The following CPNE4 variants were observed in gnomAD, a reference collection of about 807,000 sequenced individuals.
The protein encoded by CPNE4 is copine 4.
Under a neutral mutation model 67.9 loss-of-function variants are expected in CPNE4, and 25 were observed. The ratio of observed to expected loss-of-function variants is 0.37; its 90% confidence interval spans 0.27 to 0.51. CPNE4 has a LOEUF of 0.51. CPNE4 is among the 20% of genes least tolerant of loss of function. The probability of loss-of-function intolerance (pLI) is 0.93; values close to 1 mark genes in which losing one functional copy is unlikely to be tolerated. For synonymous variants in CPNE4, 242 were observed against 244.9 expected (o/e 0.99, Z 0.11); for missense variants, 464 against 690.8 (o/e 0.67, Z 3.68).
chr3:131,785,873 T>C (rs2083549141), intron 2 of CPNE4, among the ~76,000 whole-genome samples: 1 of 152,140 alleles, frequency 6.6e-6, no homozygotes, highest in African/African-American at 2.4e-5. Context: ...ATACATGTTT[T>C]ATATATTGTT....
chr3:131,819,329 A>G (rs2107964347), intron 2 of CPNE4, among the ~76,000 whole-genome samples: 1 of 152,352 alleles, frequency 6.6e-6, no homozygotes, highest in Admixed American at 6.5e-5. Flanking sequence ...AGCCATTTGG[A>G]TGAATAAGAG....
chr3:131,779,084 C>T, intron 2 of CPNE4, among the ~76,000 whole-genome samples: 1 of 151,902 alleles, frequency 6.6e-6, no homozygotes, highest in East Asian at 1.9e-4. Context: ...ATCCCATTCA[C>T]AATAGCCACA....
chr3:131,620,441 TACTC>T, intron 7 of CPNE4: 1 of 985,210 alleles, frequency 1.0e-6, no homozygotes, highest in Non-Finnish European at 1.2e-6. Context: ...GGTCCTGAGT[TACTC>T]ACCATGTTCA....
upstream of CPNE4, among the ~76,000 whole-genome samples, chr3:132,038,399 C>T (rs1271376243): frequency 2.0e-5 from 3 of 152,006 alleles, no homozygotes; most frequent in Non-Finnish European, 2.9e-5. Flanking sequence ...ACAACCTGTG[C>T]TACGAAAGGG....
intron 2 of CPNE4, among the ~76,000 whole-genome samples, chr3:131,756,231 A>G (rs1217571047): frequency 6.6e-6 from 1 of 152,226 alleles, no homozygotes; most frequent in Admixed American, 6.5e-5. Context: ...CATAAAATTA[A>G]CAGCTAGATA....
chr3:131,819,371 G>C (rs1175239392), intron 2 of CPNE4, among the ~76,000 whole-genome samples: 1 of 152,118 alleles, frequency 6.6e-6, no homozygotes, highest in Non-Finnish European at 1.5e-5. Context: ...GCTAGACTTA[G>C]TAGGAGAAAA....
intron 1 of CPNE4, among the ~76,000 whole-genome samples, chr3:132,025,679 T>A (rs1374293914): frequency 6.6e-6 from 1 of 152,200 alleles, no homozygotes; most frequent in East Asian, 1.9e-4. Flanking sequence ...AGGTTGCAAT[T>A]TGAGTAATTT....
intron 2 of CPNE4, among the ~76,000 whole-genome samples, chr3:131,746,359 A>G (rs2082489621): frequency 6.6e-6 from 1 of 152,108 alleles, no homozygotes; most frequent in Non-Finnish European, 1.5e-5. Context: ...GTACAATAAA[A>G]CAGCAGAACT....
At chr3:131,999,439 G>A (rs1309106089) in intron 1 of CPNE4, among the ~76,000 whole-genome samples, 1 of 151,890 alleles carries the variant, frequency 6.6e-6, no homozygotes, top group African/African-American at 2.4e-5. Flanking sequence ...TAGTGAATGA[G>A]CCTTATGCAA....
At chr3:131,680,355 A>T (rs1264749227) in intron 6 of CPNE4, among the ~76,000 whole-genome samples, 3 of 151,670 alleles carry the variant, frequency 2.0e-5, no homozygotes, top group Non-Finnish European at 4.4e-5. Context: ...TCTTTTGAAG[A>T]CTACGTACCA....
chr3:131,792,095 G>A (rs2083740062), intron 2 of CPNE4, among the ~76,000 whole-genome samples: 1 of 152,072 alleles, frequency 6.6e-6, no homozygotes, highest in African/African-American at 2.4e-5. Context: ...GGCAGGAATG[G>A]TTGCAATGAT....
intron 7 of CPNE4, among the ~76,000 whole-genome samples, chr3:131,610,986 C>T (rs1939805186): frequency 6.6e-6 from 1 of 152,166 alleles, no homozygotes; most frequent in Non-Finnish European, 1.5e-5. Context: ...CTTAATTTTC[C>T]ATTTCAGCAA....
intron 2 of CPNE4, among the ~76,000 whole-genome samples, chr3:131,815,518 G>A (rs1423537127): frequency 6.6e-6 from 1 of 152,166 alleles, no homozygotes; most frequent in African/African-American, 2.4e-5. Context: ...AGTATGTCAT[G>A]GAGTACTTTA....
intron 7 of CPNE4, among the ~76,000 whole-genome samples, chr3:131,611,867 A>T (rs1369108608): frequency 6.6e-6 from 1 of 152,072 alleles, no homozygotes; most frequent in East Asian, 1.9e-4. Context: ...CACCATGAGC[A>T]AGGATAAGTG....
chr3:131,576,725 T>G (rs927894805), intron 9 of CPNE4, among the ~76,000 whole-genome samples: 7 of 151,056 alleles, frequency 4.6e-5, no homozygotes, highest in South Asian at 2.1e-4. Context: ...TTACTGTGTG[T>G]TTTTTTTTCA....
chr3:131,944,092 C>T (rs916547630), intron 1 of CPNE4, among the ~76,000 whole-genome samples: 1 of 152,104 alleles, frequency 6.6e-6, no homozygotes, highest in Non-Finnish European at 1.5e-5. Context: ...AAATCTCCAG[C>T]ACCTAGCCGT....
At chr3:132,033,653 G>A (rs904602075) in intron 1 of CPNE4, among the ~76,000 whole-genome samples, 3 of 152,222 alleles carry the variant, frequency 2.0e-5, no homozygotes, top group African/African-American at 4.8e-5. Flanking sequence ...AAGGCGCCCT[G>A]GGGCGCCGTC....
At chr3:131,931,344 G>T (rs945663089) in intron 1 of CPNE4, among the ~76,000 whole-genome samples, 1 of 152,114 alleles carries the variant, frequency 6.6e-6, no homozygotes, top group Non-Finnish European at 1.5e-5. Flanking sequence ...AACAGCTGAG[G>T]TCTTCTCAGG....
intron 2 of CPNE4, among the ~76,000 whole-genome samples, chr3:131,852,951 GA>G (rs908733295): frequency 6.6e-6 from 1 of 151,614 alleles, no homozygotes; most frequent in African/African-American, 2.4e-5. Flanking sequence ...ACTGTTAAGA[GA>G]AATTTTTTAA....
Sources: gnomAD v4.1 joint callset for allele counts (sites outside exome capture counted in the v4.1 genomes callset) on GRCh38, gnomAD v4.1.1 for gene constraint, MANE v1.5 for transcripts, NCBI Gene and HGNC (gene_info 2026-07-23, HGNC 2026-07-21) for gene names.